Variants in RANBP2 observed in about 807,000 individuals in gnomAD.
RANBP2 encodes RAN binding protein 2.
A neutral mutation model predicts 303.6 loss-of-function variants in RANBP2; 57 were observed. The observed-to-expected ratio is 0.19, with a 90% CI of 0.15 to 0.23. The LOEUF is 0.23. Ranked by LOEUF, RANBP2 falls within the 10% of genes least tolerant of loss-of-function variation. The pLI, the probability that RANBP2 is intolerant of heterozygous loss-of-function variation, is 1.00. For missense variants in RANBP2, 3,138 were observed against 3,780.8 expected, an observed-to-expected ratio of 0.83 and a Z score of 4.46; for synonymous variants, 1,167 against 1,301.5, an observed-to-expected ratio of 0.90 and a Z score of 2.23.
the RANBP2 span, among the ~76,000 whole-genome samples, chr2:109,527,955 G>A: frequency 6.6e-6 from 1 of 152,180 alleles, no homozygotes; most frequent in Non-Finnish European, 1.5e-5. Flanking sequence ...CGAGGAGGAT[G>A]TGCAGAGTGG....
chr2:109,635,000 T>A, the RANBP2 span, among the ~76,000 whole-genome samples: 2 of 152,146 alleles, frequency 1.3e-5, no homozygotes, highest in Non-Finnish European at 2.9e-5. Flanking sequence ...TAAGACACAT[T>A]CATGGAGAAA....
chr2:109,077,626 C>G, the RANBP2 span, among the ~76,000 whole-genome samples: 1,785 of 150,360 alleles, frequency 0.012, 93 homozygotes, highest in Non-Finnish European at 0.02. Flanking sequence ...GATGAATAAC[C>G]TGATTAAAAA....
Position 108,765,908 on chromosome 2 carries a change from G to C in RANBP2, c.5369G>C (p.Cys1790Ser), listed in dbSNP as rs747563416. Residue 1790 changes from cysteine (C) to serine (S), a missense_variant, in exon 20 of 29, where the codon TGC becomes TCC. By Grantham distance (112) the Cys-to-Ser change is moderately radical. Transcript: ENST00000283195. ...AAAGGACAGTGGGATTGTAGTGTTTGCTGTGTACAAAATGAGAGTTCTTCC... is the reference window on the plus strand; with the variant it reads ...AAAGGACAGTGGGATTGTAGTGTTTCCTGTGTACAAAATGAGAGTTCTTCC... The part of the protein sequence containing the change: ...IRKGQWDCSV[C>S]CVQNESSSLK... 1 of 1,614,074 alleles carries C rather than the reference G, an allele frequency of 6.2e-7. No individual in the cohort carries two copies. The highest frequency in any genetic ancestry group is 1.3e-5 in the African/African-American group (1 of 74,942).
chr2:108,943,426 A>G, the RANBP2 span, among the ~76,000 whole-genome samples: 1 of 152,182 alleles, frequency 6.6e-6, no homozygotes, highest in African/African-American at 2.4e-5. Context: ...TACAGATTAA[A>G]CTGCAATCAC....
the RANBP2 span, among the ~76,000 whole-genome samples, chr2:109,142,392 CTGTG>C: frequency 6.6e-6 from 1 of 152,240 alleles, no homozygotes; most frequent in African/African-American, 2.4e-5. Context: ...CCAAAGCACC[CTGTG>C]GGGTTAGCTC....
the RANBP2 span, among the ~76,000 whole-genome samples, chr2:109,133,334 C>G: frequency 1.3e-5 from 2 of 152,212 alleles, no homozygotes; most frequent in African/African-American, 2.4e-5. Context: ...TTGAAAATCT[C>G]TTCTGTGTCT....
chr2:109,556,959 G>A, the RANBP2 span, among the ~76,000 whole-genome samples: 1 of 152,002 alleles, frequency 6.6e-6, no homozygotes. Context: ...CTCATAGATG[G>A]GAATTCAACA....
chr2:109,454,021 G>A, the RANBP2 span, among the ~76,000 whole-genome samples: 39 of 152,324 alleles, frequency 2.6e-4, no homozygotes, highest in South Asian at 7.9e-3. Context: ...GTGCCATCCT[G>A]TAACTTAACT....
chr2:109,259,395 G>T, the RANBP2 span, among the ~76,000 whole-genome samples: 140 of 152,330 alleles, frequency 9.2e-4, no homozygotes, highest in African/African-American at 3.2e-3. Flanking sequence ...GCAAGGGGAG[G>T]CTGGGCCTCC....
At chr2:109,137,762 G>T in the RANBP2 span, among the ~76,000 whole-genome samples, 1 of 152,336 alleles carries the variant, frequency 6.6e-6, no homozygotes, top group South Asian at 2.1e-4. Context: ...CTGATCAGCC[G>T]TTGTTTTTGC....
the RANBP2 span, among the ~76,000 whole-genome samples, chr2:109,649,406 CT>C: frequency 3.3e-5 from 5 of 150,640 alleles, no homozygotes; most frequent in Non-Finnish European, 3.0e-5. Flanking sequence ...TTTTCTTTTT[CT>C]TTTTTTTTGA....
chr2:109,547,317 C>T, the RANBP2 span, among the ~76,000 whole-genome samples: 1 of 150,720 alleles, frequency 6.6e-6, no homozygotes, highest in African/African-American at 2.4e-5. Flanking sequence ...TTGAGAACTA[C>T]TCATTGACTG....
chr2:109,226,141 T>C, the RANBP2 span, among the ~76,000 whole-genome samples: 1 of 152,222 alleles, frequency 6.6e-6, no homozygotes, highest in Non-Finnish European at 1.5e-5. Flanking sequence ...GAGGAGGTTG[T>C]CCCCAAATAG....
rs370342290 is a variant in RANBP2 at position 108,777,340 on chromosome 2, C to A, written c.8599+109C>A. ...ACTAAGTTAGAAGTTTCTTCCCTTA[C>A]CCCCCAGTTTGTTTTAGTGTTTTAA... On this transcript the variant is annotated intron_variant, in intron 25 of 28. Transcript: ENST00000283195. 1.1e-3 allele frequency: 569 copies of A among 511,152 alleles called. 4 individuals carry two copies. The East Asian group carries it at 0.013, about 12-fold the overall frequency. The allele number at this position is 511,152 out of a possible 1,614,324, so 31.7% of individuals were successfully genotyped here.
At chr2:108,917,131 TC>T in the RANBP2 span, among the ~76,000 whole-genome samples, 1 of 152,162 alleles carries the variant, frequency 6.6e-6, no homozygotes, top group Non-Finnish European at 1.5e-5. Flanking sequence ...GAGTCACAGC[TC>T]CGTGGCCGAC....
chr2:109,187,573 A>G, the RANBP2 span, among the ~76,000 whole-genome samples: 2 of 152,208 alleles, frequency 1.3e-5, no homozygotes, highest in Non-Finnish European at 2.9e-5. Flanking sequence ...AGTACAGTCC[A>G]TGCTGCACAG....
chr2:109,144,817 G>A, the RANBP2 span, among the ~76,000 whole-genome samples: 1 of 152,210 alleles, frequency 6.6e-6, no homozygotes, highest in Admixed American at 6.5e-5. Context: ...GCACTGACCC[G>A]GGGTTGAGAA....
chr2:108,791,940 T>C, the RANBP2 span: 7 of 852,970 alleles, frequency 8.2e-6, no homozygotes, highest in South Asian at 1.4e-4. Flanking sequence ...AGCTAGGAGA[T>C]AGTTACTGTG....
At chr2:109,218,208 T>C in the RANBP2 span, among the ~76,000 whole-genome samples, 1 of 152,084 alleles carries the variant, frequency 6.6e-6, no homozygotes, top group East Asian at 1.9e-4. Flanking sequence ...GTGACAAAAT[T>C]TAGTTTTCAT....
Sources: allele counts gnomAD v4.1 joint callset (sites outside exome capture counted in the v4.1 genomes callset), GRCh38; gene constraint gnomAD v4.1.1; transcripts MANE v1.5; gene names NCBI Gene and HGNC (gene_info 2026-07-23, HGNC 2026-07-21).